The following CSMD1 variants were observed in gnomAD, a reference collection of about 807,000 sequenced individuals.
CSMD1 encodes CUB and Sushi multiple domains 1.
Under a neutral mutation model 417.5 loss-of-function variants are expected in CSMD1, and 213 were observed. The ratio of observed to expected loss-of-function variants is 0.51; its 90% CI spans 0.46 to 0.57. CSMD1 has a LOEUF of 0.57. CSMD1 is among the 20% of genes least tolerant of loss of function. The probability of loss-of-function intolerance (pLI) is 0.00; values close to 1 mark genes in which losing one functional copy is unlikely to be tolerated. For missense variants in CSMD1, 6,923 were observed against 4,529.7 expected (o/e 1.53, Z -15.17); for synonymous variants, 2,862 against 1,736.8 (o/e 1.65, Z -16.11).
chr8:4,546,955 C>A (rs1797665665), intron 2 of CSMD1, among the ~76,000 whole-genome samples: 1 of 152,140 alleles, frequency 6.6e-6, no homozygotes, highest in Admixed American at 6.6e-5. Context: ...AGGATAGCCT[C>A]ATTCACGTAC....
intron 1 of CSMD1, among the ~76,000 whole-genome samples, chr8:4,878,127 TC>T (rs772709742): frequency 6.6e-6 from 1 of 152,128 alleles, no homozygotes; most frequent in Non-Finnish European, 1.5e-5. Context: ...GTTTTGGCTT[TC>T]CTCAGAAGTG....
intron 5 of CSMD1, among the ~76,000 whole-genome samples, chr8:3,764,751 T>A (rs867908099): frequency 2.9e-3 from 424 of 148,456 alleles, no homozygotes; most frequent in African/African-American, 9.8e-3. Flanking sequence ...TTTTTTTTTT[T>A]TTTTTTTTAT....
At position 4,504,361 on chromosome 8, in the gene CSMD1, T is replaced by A. The variant is rs969761243; in HGVS notation, c.303-84296A>T. On this transcript the variant is annotated intron_variant, in intron 2 of 69. Coordinates refer to ENST00000635120, the MANE Select transcript of CSMD1 (RefSeq NM_033225.6). The stretch of plus-strand genomic sequence containing the variant: ...ATTGCTATTTAAGGGGTACATGGTT[T>A]GGGTTATATCTGATGAGTATGTTCT... Among the ~76,000 whole-genome samples, 6 of 152,000 alleles carry A rather than the reference T, an allele frequency of 3.9e-5. No homozygotes were observed. The South Asian group carries it at 8.3e-4, about 21-fold the overall frequency.
chr8:4,392,190 G>C (rs1209872010), intron 3 of CSMD1, among the ~76,000 whole-genome samples: 1 of 152,172 alleles, frequency 6.6e-6, no homozygotes, highest in Non-Finnish European at 1.5e-5. Context: ...GCTAAGTCTT[G>C]AGGTTGCTTT....
intron 7 of CSMD1, among the ~76,000 whole-genome samples, chr8:3,637,799 G>T (rs1005219829): frequency 6.6e-6 from 1 of 152,180 alleles, no homozygotes; most frequent in Non-Finnish European, 1.5e-5. Context: ...GAGGGACCCA[G>T]TGGGAAGTAA....
At chr8:4,350,861 C>T (rs1267896122) in intron 3 of CSMD1, among the ~76,000 whole-genome samples, 1 of 152,184 alleles carries the variant, frequency 6.6e-6, no homozygotes, top group African/African-American at 2.4e-5. Context: ...GCCAGTGGCT[C>T]TAGTTCCGGT....
At chr8:3,600,390 A>G (rs573430191) in intron 8 of CSMD1, among the ~76,000 whole-genome samples, 1 of 152,312 alleles carries the variant, frequency 6.6e-6, no homozygotes, top group South Asian at 2.1e-4. Flanking sequence ...TAGCTACTCT[A>G]TTTCCCCTAG....
chr8:3,460,434 T>C (rs1251525456), intron 12 of CSMD1, among the ~76,000 whole-genome samples: 1 of 152,084 alleles, frequency 6.6e-6, no homozygotes, highest in Non-Finnish European at 1.5e-5. Context: ...TCCAACCAAT[T>C]TGAAACAGTG....
intron 5 of CSMD1, among the ~76,000 whole-genome samples, chr8:3,798,404 T>A (rs2129071303): frequency 6.6e-6 from 1 of 152,150 alleles, no homozygotes; most frequent in Non-Finnish European, 1.5e-5. Context: ...TATGCCCAAG[T>A]GTGAGTGTGA....
chr8:3,481,964 T>C (rs1460072141), intron 11 of CSMD1, among the ~76,000 whole-genome samples: 1 of 152,220 alleles, frequency 6.6e-6, no homozygotes. Context: ...GAAATAAATG[T>C]ATCAGTAGAC....
intron 37 of CSMD1, among the ~76,000 whole-genome samples, chr8:3,175,473 TTCCC>T (rs1335174969): frequency 0.013 from 279 of 21,650 alleles, no homozygotes; most frequent in Middle Eastern, 0.11. Context: ...CTTCCTTCTT[TTCCC>T]TTCCTTCCTG....
chr8:4,228,281 T>C (rs755081829), intron 3 of CSMD1, among the ~76,000 whole-genome samples: 1 of 152,348 alleles, frequency 6.6e-6, no homozygotes, highest in East Asian at 1.9e-4. Context: ...GCCCTGGTGC[T>C]GCTGGCCCTG....
chr8:4,426,623 T>TGTATA (rs1554472572), intron 2 of CSMD1, among the ~76,000 whole-genome samples: 1 of 145,200 alleles, frequency 6.9e-6, no homozygotes, highest in African/African-American at 2.5e-5. Context: ...TATTGTTTAC[T>TGTATA]ATATAATATA....
chr8:3,695,762 T>C (rs1376615223), intron 7 of CSMD1, among the ~76,000 whole-genome samples: 2 of 152,202 alleles, frequency 1.3e-5, no homozygotes, highest in Non-Finnish European at 2.9e-5. Flanking sequence ...TCTGAGCATA[T>C]TCAATACATG....
At chr8:3,957,625 A>G (rs1206407085) in intron 5 of CSMD1, among the ~76,000 whole-genome samples, 4 of 152,166 alleles carry the variant, frequency 2.6e-5, no homozygotes, top group African/African-American at 9.7e-5. Context: ...TCGGGGTTGC[A>G]GTGAACTATA....
intron 2 of CSMD1, among the ~76,000 whole-genome samples, chr8:4,516,103 G>C (rs995053590): frequency 6.6e-5 from 10 of 152,058 alleles, no homozygotes; most frequent in Admixed American, 6.6e-4. Flanking sequence ...CTGTACCGGG[G>C]GCTGAGTTCT....
At chr8:3,018,687 T>A (rs1342237321) in intron 51 of CSMD1, 37 bp from the exon 52 acceptor site, 2 of 1,567,546 alleles carry the variant, frequency 1.3e-6, no homozygotes, top group Admixed American at 1.7e-5. Context: ...ATCAATTCAG[T>A]TATGCAGATT....
intron 18 of CSMD1, among the ~76,000 whole-genome samples, chr8:3,386,227 G>C (rs73173170): frequency 0.053 from 8,123 of 152,262 alleles, 418 homozygotes; most frequent in South Asian, 0.18. Flanking sequence ...CAGAAACTTA[G>C]CAGAAAGCAC....
At chr8:4,474,725 C>T (rs1016841438) in intron 2 of CSMD1, among the ~76,000 whole-genome samples, 3 of 152,162 alleles carry the variant, frequency 2.0e-5, no homozygotes, top group Non-Finnish European at 2.9e-5. Context: ...TTTCTTCTCC[C>T]TCTGCCATCC....
Sources: gnomAD v4.1 joint callset for allele counts (sites outside exome capture counted in the v4.1 genomes callset) on GRCh38, gnomAD v4.1.1 for gene constraint, MANE v1.5 for transcripts, NCBI Gene and HGNC (gene_info 2026-07-23, HGNC 2026-07-21) for gene names.